Variants in BABAM2 observed in about 807,000 individuals in gnomAD.
The protein encoded by BABAM2 is BRISC and BRCA1 A complex member 2, also known as BRISC and BRCA1-A complex member 2.
BABAM2 carries 31 observed loss-of-function variants against 54.7 expected under a neutral mutation model. The ratio of observed to expected loss-of-function variants is 0.57; its 90% CI spans 0.43 to 0.77. The LOEUF is 0.77. Ranked by LOEUF, BABAM2 falls within the 30% of genes least tolerant of loss-of-function variation. The pLI is 0.00. For missense variants in BABAM2, 364 were observed against 455.8 expected (o/e 0.80, Z 1.83); for synonymous variants, 167 against 162.9 (o/e 1.03, Z -0.19).
At chr2:28,200,768 T>TTGTTTGTC (rs1678179664) in intron 7 of BABAM2, among the ~76,000 whole-genome samples, 1 of 151,710 alleles carries the variant, frequency 6.6e-6, no homozygotes, top group South Asian at 2.1e-4. Context: ...TTTTGTTTGT[T>TTGTTTGTC]TGTTTGTTTG....
At chr2:28,295,818 A>AT (rs970552124) in intron 10 of BABAM2, among the ~76,000 whole-genome samples, 1 of 151,670 alleles carries the variant, frequency 6.6e-6, no homozygotes, top group Non-Finnish European at 1.5e-5. Flanking sequence ...TTTTTAAAAA[A>AT]TTAATCAGAA....
chr2:28,248,207 C>CTTTTTCTTTTTTTT (rs1553349503), intron 10 of BABAM2, among the ~76,000 whole-genome samples: 5,166 of 53,910 alleles, frequency 0.096, 1,038 homozygotes, highest in Non-Finnish European at 0.12. Context: ...TTTTCTTTTT[C>CTTTTTCTTTTTTTT]TTTTTTTTTT....
At chr2:28,313,361 C>T (rs1057160279) in intron 11 of BABAM2, among the ~76,000 whole-genome samples, 1 of 152,226 alleles carries the variant, frequency 6.6e-6, no homozygotes, top group Admixed American at 6.5e-5. Flanking sequence ...GGAGGCTGCA[C>T]ATTGAGAAGA....
intron 6 of BABAM2, among the ~76,000 whole-genome samples, chr2:28,122,045 C>A (rs558791272): frequency 6.6e-6 from 1 of 151,940 alleles, no homozygotes; most frequent in East Asian, 1.9e-4. Flanking sequence ...AAACCCCGTC[C>A]CTACTAAATA....
Position 28,106,567 on chromosome 2 carries a change from A to T in BABAM2, c.571-22704A>T, listed in dbSNP as rs530188849. Among the ~76,000 whole-genome samples the T allele has an allele frequency of 2.6e-5, 4 of 152,322 alleles. No homozygotes were observed. The East Asian group carries it at 7.7e-4, about 29-fold the overall frequency. ...TTGTCTGATGTTCACTCATGATTAG[A>T]TCCATTTATGCATCTGTGGCAGGAA... On this transcript the variant is annotated intron_variant, in intron 6 of 11. Coordinates refer to ENST00000379624, the MANE Select transcript of BABAM2 (RefSeq NM_199191.3).
chr2:27,900,903 C>A (rs765057502), intron 2 of BABAM2, among the ~76,000 whole-genome samples: 1 of 151,986 alleles, frequency 6.6e-6, no homozygotes, highest in South Asian at 2.1e-4. Flanking sequence ...ATTAGCCGGG[C>A]ATGGTAGCGG....
chr2:28,178,678 C>T (rs1457614979), intron 7 of BABAM2, among the ~76,000 whole-genome samples: 1 of 126,684 alleles, frequency 7.9e-6, no homozygotes, highest in East Asian at 2.3e-4. Context: ...ACAAAAAATA[C>T]AAAGGACCAA....
intron 7 of BABAM2, among the ~76,000 whole-genome samples, chr2:28,224,848 T>G: frequency 3.7e-5 from 3 of 81,592 alleles, no homozygotes; most frequent in Admixed American, 1.2e-4. Context: ...AACGGTAAAT[T>G]GACAAAAAAA....
intron 6 of BABAM2, among the ~76,000 whole-genome samples, chr2:28,056,159 C>G (rs1279435254): frequency 6.6e-6 from 1 of 152,054 alleles, no homozygotes. Flanking sequence ...CGAAGAGCAC[C>G]TGTGTAGGAT....
chr2:28,024,133 G>C (rs990224756), intron 4 of BABAM2, among the ~76,000 whole-genome samples: 29 of 152,246 alleles, frequency 1.9e-4, no homozygotes, highest in Admixed American at 1.6e-3. Flanking sequence ...GGCCGGGCAC[G>C]GTGGCTCACG....
chr2:28,227,762 G>A (rs1489775390), intron 7 of BABAM2, among the ~76,000 whole-genome samples: 1 of 152,102 alleles, frequency 6.6e-6, no homozygotes, highest in Non-Finnish European at 1.5e-5. Flanking sequence ...GTCTAGAGCA[G>A]TATTTTTTCA....
At chr2:28,000,981 C>A (rs1673538952) in intron 4 of BABAM2, among the ~76,000 whole-genome samples, 1 of 152,106 alleles carries the variant, frequency 6.6e-6, no homozygotes, top group East Asian at 1.9e-4. Flanking sequence ...TTAGTATCAG[C>A]CATTTCTCCA....
chr2:27,949,548 A>C (rs1252955998), intron 3 of BABAM2, among the ~76,000 whole-genome samples: 1 of 152,184 alleles, frequency 6.6e-6, no homozygotes, highest in Admixed American at 6.5e-5. Context: ...AAAAAAAAAA[A>C]AGAATCATAT....
chr2:27,923,529 G>C (rs192527592), intron 2 of BABAM2, among the ~76,000 whole-genome samples: 205 of 152,184 alleles, frequency 1.3e-3, no homozygotes, highest in African/African-American at 4.7e-3. Context: ...GAGGTGGGAG[G>C]ATTCCTTGAG....
intron 11 of BABAM2, chr2:28,310,419 A>C: frequency 2.7e-6 from 1 of 376,726 alleles, no homozygotes; most frequent in Non-Finnish European, 4.9e-6. Flanking sequence ...CAGGCCCTCC[A>C]TCTGTATTCC....
At chr2:28,081,590 G>C (rs1665177999) in intron 6 of BABAM2, among the ~76,000 whole-genome samples, 1 of 152,200 alleles carries the variant, frequency 6.6e-6, no homozygotes, top group Non-Finnish European at 1.5e-5. Context: ...CACATCTTAA[G>C]AGTCTGCATT....
chr2:28,293,888 G>A (rs1205881494), intron 10 of BABAM2, among the ~76,000 whole-genome samples: 1 of 152,054 alleles, frequency 6.6e-6, no homozygotes, highest in Non-Finnish European at 1.5e-5. Context: ...AAAAAGAGAA[G>A]AAAGAAATGG....
chr2:28,045,782 C>G lies in BABAM2; in HGVS notation c.553C>G (p.Pro185Ala). 6.2e-7 allele frequency: 1 copy of G among 1,608,510 alleles called. No homozygotes were observed. Among genetic ancestry groups the G allele is most frequent in the Non-Finnish European group, 8.5e-7 (1 of 1,176,466 alleles). Reference sequence around the variant, plus strand: ...GCTGCCCGTAGATTTCAGCAATATCCCCACATACCTTCTCAAGGTAAAAAT... The same window carrying G: ...GCTGCCCGTAGATTTCAGCAATATCGCCACATACCTTCTCAAGGTAAAAAT... ...LKLPVDFSNIPTYLLKDVNED... is the reference protein window; with the variant it reads ...LKLPVDFSNIATYLLKDVNED... Residue 185 changes from proline (P) to alanine (A), a missense_variant, in exon 6 of 12, where the codon CCC (proline) becomes GCC (alanine). By Grantham distance (27) the Pro-to-Ala change is conservative (BLOSUM62 -1). Coordinates refer to ENST00000379624, the MANE Select transcript of BABAM2 (RefSeq NM_199191.3).
intron 7 of BABAM2, among the ~76,000 whole-genome samples, chr2:28,215,320 A>C (rs1679830977): frequency 1.3e-5 from 2 of 152,168 alleles, no homozygotes; most frequent in Admixed American, 1.3e-4. Context: ...CAGTTTCCTC[A>C]ACTTTAAAAT....
Sources: allele counts gnomAD v4.1 joint callset (sites outside exome capture counted in the v4.1 genomes callset), GRCh38; gene constraint gnomAD v4.1.1; transcripts MANE v1.5; gene names NCBI Gene and HGNC (gene_info 2026-07-23, HGNC 2026-07-21).